The following ATRNL1 variants were observed in gnomAD, a reference collection of about 807,000 sequenced individuals.
ATRNL1 encodes attractin-like protein 1.
Under a neutral mutation model 182.7 loss-of-function variants are expected in ATRNL1, and 95 were observed. That is an observed-to-expected ratio of 0.52 (90% confidence interval 0.44 to 0.62). The LOEUF (loss-of-function observed/expected upper bound fraction) is 0.62, where lower values mean the gene tolerates loss of function less well. Among genes scored for constraint, ATRNL1 ranks in the 20% least tolerant of loss-of-function variants. The probability of loss-of-function intolerance (pLI) is 0.00; values close to 1 mark genes in which losing one functional copy is unlikely to be tolerated. For missense variants in ATRNL1, 1,471 were observed against 1,679.5 expected (o/e 0.88, Z 2.17); for synonymous variants, 576 against 568.3 (o/e 1.01, Z -0.19).
At chr10:115,610,497 G>C (rs1857098968) in intron 26 of ATRNL1, among the ~76,000 whole-genome samples, 1 of 152,116 alleles carries the variant, frequency 6.6e-6, no homozygotes, top group South Asian at 2.1e-4. Flanking sequence ...AATGGTACTT[G>C]CAGCTATTTA....
At chr10:115,547,880 C>T (rs1852758297) in intron 25 of ATRNL1, among the ~76,000 whole-genome samples, 1 of 152,128 alleles carries the variant, frequency 6.6e-6, no homozygotes, top group East Asian at 1.9e-4. Context: ...TTGAATATTA[C>T]ATAAAGGGTG....
rs797042759 is a variant in ATRNL1 at position 115,262,176 on chromosome 10, T to G, written c.1688-3017T>G. Reference sequence around the variant, plus strand: ...TTTGGGAAGATAGGGGGCAGTGGATTTTTTTTTTTTTTGATAAACCTTGTA... The same window carrying G: ...TTTGGGAAGATAGGGGGCAGTGGATGTTTTTTTTTTTTGATAAACCTTGTA... On this transcript the variant is annotated intron_variant, in intron 10 of 28. Transcript: ENST00000355044. Among the ~76,000 whole-genome samples, 300 of 143,416 alleles carry G rather than the reference T, an allele frequency of 2.1e-3. 7 individuals are homozygous for G. The East Asian group carries it at 0.047, about 22-fold the overall frequency. 94.1% of individuals were successfully genotyped at this position (143,416 alleles called of 152,430 possible).
intron 18 of ATRNL1, among the ~76,000 whole-genome samples, chr10:115,327,476 A>T (rs28847623): frequency 2.0e-5 from 3 of 151,276 alleles, no homozygotes; most frequent in Admixed American, 2.0e-4. Context: ...GAACACTTTT[A>T]CACTGTTGGT....
intron 27 of ATRNL1, among the ~76,000 whole-genome samples, chr10:115,812,816 C>T (rs924785907): frequency 6.6e-6 from 1 of 152,026 alleles, no homozygotes; most frequent in African/African-American, 2.4e-5. Flanking sequence ...AATTATTGCT[C>T]ATCCTTCAGA....
intron 26 of ATRNL1, among the ~76,000 whole-genome samples, chr10:115,603,248 T>G (rs1321277776): frequency 3.3e-5 from 5 of 152,202 alleles, no homozygotes; most frequent in African/African-American, 1.2e-4. Context: ...AAATTAGTCT[T>G]TCTCATGACC....
At chr10:115,628,157 A>G (rs1490288987) in intron 26 of ATRNL1, among the ~76,000 whole-genome samples, 3 of 151,824 alleles carry the variant, frequency 2.0e-5, no homozygotes, top group East Asian at 1.9e-4. Flanking sequence ...AAAAAAAAAA[A>G]AAAGAAAGAA....
intron 19 of ATRNL1, among the ~76,000 whole-genome samples, chr10:115,389,635 A>G (rs1843918667): frequency 2.2e-5 from 3 of 136,176 alleles, no homozygotes; most frequent in Non-Finnish European, 3.1e-5. Flanking sequence ...TATTGTAGCT[A>G]TTGTGAATAA....
At chr10:115,521,314 A>T (rs1280127052) in intron 25 of ATRNL1, among the ~76,000 whole-genome samples, 2 of 151,982 alleles carry the variant, frequency 1.3e-5, no homozygotes, top group Non-Finnish European at 2.9e-5. Flanking sequence ...CACCACGCCC[A>T]GCTAATTTTT....
chr10:115,146,598 C>T (rs1845982293), intron 5 of ATRNL1, among the ~76,000 whole-genome samples: 1 of 152,052 alleles, frequency 6.6e-6, no homozygotes, highest in South Asian at 2.1e-4. Flanking sequence ...TATCCATTAG[C>T]CAATGTCTGT....
intron 25 of ATRNL1, among the ~76,000 whole-genome samples, chr10:115,525,442 C>T (rs1362791118): frequency 7.9e-5 from 12 of 152,170 alleles, no homozygotes; most frequent in African/African-American, 1.7e-4. Context: ...GACTATCTCT[C>T]GTATTTTCGG....
chr10:115,933,747 G>C (rs1331140973), intron 28 of ATRNL1, among the ~76,000 whole-genome samples: 1 of 152,176 alleles, frequency 6.6e-6, no homozygotes, highest in Non-Finnish European at 1.5e-5. Flanking sequence ...ACAGAAACAG[G>C]ATCCACAGGT....
chr10:115,587,530 CATCT>C (rs1555010531), intron 26 of ATRNL1, among the ~76,000 whole-genome samples: 1 of 151,138 alleles, frequency 6.6e-6, no homozygotes, highest in African/African-American at 2.4e-5. Flanking sequence ...TTCCAGGTGC[CATCT>C]GTCACCCCTT....
intron 26 of ATRNL1, among the ~76,000 whole-genome samples, chr10:115,604,682 G>A (rs1856783537): frequency 6.6e-6 from 1 of 151,912 alleles, no homozygotes; most frequent in Non-Finnish European, 1.5e-5. Context: ...ATACTATGCT[G>A]CAAGACAGAC....
At chr10:115,714,043 T>C (rs1947171125) in intron 26 of ATRNL1, among the ~76,000 whole-genome samples, 1 of 152,232 alleles carries the variant, frequency 6.6e-6, no homozygotes, top group African/African-American at 2.4e-5. Flanking sequence ...TAGAAATAGT[T>C]GCATTTGCAT....
At chr10:115,561,074 ATCT>A (rs1853675787) in intron 26 of ATRNL1, among the ~76,000 whole-genome samples, 1 of 152,178 alleles carries the variant, frequency 6.6e-6, no homozygotes, top group South Asian at 2.1e-4. Flanking sequence ...ACAGAAGAAA[ATCT>A]TCTTGATCTT....
At chr10:115,866,608 A>G (rs1431521606) in intron 28 of ATRNL1, among the ~76,000 whole-genome samples, 3 of 152,292 alleles carry the variant, frequency 2.0e-5, no homozygotes, top group African/African-American at 7.2e-5. Context: ...TCTACTCTAC[A>G]GTTTATGCCT....
At chr10:115,132,389 A>G (rs529322325) in intron 5 of ATRNL1, among the ~76,000 whole-genome samples, 3 of 152,268 alleles carry the variant, frequency 2.0e-5, no homozygotes, top group African/African-American at 7.2e-5. Context: ...CGCAATAAAC[A>G]TATGTGTGCA....
chr10:115,776,895 A>C (rs561935473), intron 27 of ATRNL1, among the ~76,000 whole-genome samples: 1 of 152,046 alleles, frequency 6.6e-6, no homozygotes, highest in African/African-American at 2.4e-5. Flanking sequence ...GGCGGCTCAC[A>C]CCTGTAATCC....
chr10:115,324,267 A>G (rs1223775309), intron 18 of ATRNL1, among the ~76,000 whole-genome samples: 5 of 152,112 alleles, frequency 3.3e-5, no homozygotes, highest in South Asian at 2.1e-4. Context: ...TTACGTAAAC[A>G]ATGTTTTATC....
Sources: allele counts gnomAD v4.1 joint callset (sites outside exome capture counted in the v4.1 genomes callset), GRCh38; gene constraint gnomAD v4.1.1; transcripts MANE v1.5; gene names NCBI Gene and HGNC (gene_info 2026-07-23, HGNC 2026-07-21).